Variants in SETD2 observed in about 807,000 individuals in gnomAD.
The protein encoded by SETD2 is histone-lysine N-methyltransferase SETD2.
In SETD2, 31 loss-of-function variants were observed where a neutral mutation model predicts 242.1. The ratio of observed to expected loss-of-function variants is 0.13; its 90% CI spans 0.10 to 0.17. The LOEUF (loss-of-function observed/expected upper bound fraction) is 0.17. Ranked by LOEUF, SETD2 falls within the 10% of genes least tolerant of loss-of-function variation. SETD2 has a pLI of 1.00. For missense variants in SETD2, 2,481 were observed against 3,046.3 expected (o/e 0.81, Z 4.37); for synonymous variants, 1,006 against 1,066.5 (o/e 0.94, Z 1.11).
At chr3:47,150,920 TAAA>T (rs71098458) in intron 1 of SETD2, among the ~76,000 whole-genome samples, 7 of 138,526 alleles carry the variant, frequency 5.1e-5, no homozygotes, top group Admixed American at 1.5e-4. Flanking sequence ...ACCCTATCTT[TAAA>T]AAAAAAAAAA....
intron 12 of SETD2, among the ~76,000 whole-genome samples, chr3:47,069,963 G>A (rs2040749042): frequency 6.6e-6 from 1 of 152,194 alleles, no homozygotes; most frequent in Non-Finnish European, 1.5e-5. Flanking sequence ...TAGGTACTCT[G>A]TAAACCTAGG....
At chr3:47,083,207 C>T (rs1308437733) in intron 12 of SETD2, among the ~76,000 whole-genome samples, 1 of 152,084 alleles carries the variant, frequency 6.6e-6, no homozygotes, top group Non-Finnish European at 1.5e-5. Flanking sequence ...AAGAAATAGG[C>T]ATTTAAAAGC....
intron 18 of SETD2, among the ~76,000 whole-genome samples, chr3:47,034,475 A>G (rs558865988): frequency 3.9e-5 from 6 of 152,282 alleles, no homozygotes; most frequent in African/African-American, 7.2e-5. Flanking sequence ...GCAGGCCTCT[A>G]AAGTCCTTGT....
chr3:47,143,306 A>C (rs1481907621), intron 1 of SETD2, among the ~76,000 whole-genome samples: 2 of 152,108 alleles, frequency 1.3e-5, no homozygotes, highest in Non-Finnish European at 2.9e-5. Flanking sequence ...AAAACAAAAC[A>C]AAAAAACTTT....
rs764370264 is a variant in SETD2 at position 47,113,857 on chromosome 3, T to C, written c.4715+19A>G. ...TTGTCTCAAAAAAGGAAGTGAAAGGTAATTAAAAAAGAACTTACGAAGGAA... is the reference window on the plus strand; with the variant it reads ...TTGTCTCAAAAAAGGAAGTGAAAGGCAATTAAAAAAGAACTTACGAAGGAA... On this transcript the variant is annotated intron_variant, in intron 5 of 20. Transcript: ENST00000409792. 1 of 1,602,574 alleles carries C rather than the reference T, an allele frequency of 6.2e-7. No homozygotes were observed. Among genetic ancestry groups the C allele is most frequent in the Non-Finnish European group, 8.5e-7 (1 of 1,176,148 alleles).
At chr3:47,098,205 G>A (rs1362785600) in intron 8 of SETD2, 124 bp from the exon 9 acceptor site, 7 of 901,188 alleles carry the variant, frequency 7.8e-6, no homozygotes, top group East Asian at 2.8e-5. Flanking sequence ...ATAACTTGAA[G>A]AGATTCCAAC....
chr3:47,160,818 T>A (rs187247449), intron 1 of SETD2, among the ~76,000 whole-genome samples: 3 of 152,314 alleles, frequency 2.0e-5, no homozygotes, highest in Admixed American at 2.0e-4. Context: ...CTGGATCTAC[T>A]TTGCCGTGTC....
At chr3:47,098,307 G>T in intron 8 of SETD2, 1 of 329,062 alleles carries the variant, frequency 3.0e-6, no homozygotes, top group Non-Finnish European at 5.6e-6. Flanking sequence ...GACAAAACTA[G>T]CCAAGAAATA....
At chr3:47,101,830 GA>G (rs1027900133) in intron 7 of SETD2, among the ~76,000 whole-genome samples, 5 of 151,240 alleles carry the variant, frequency 3.3e-5, no homozygotes, top group African/African-American at 1.2e-4. Flanking sequence ...CTAAAAAAAA[GA>G]AAAAAAAGTA....
intron 1 of SETD2, among the ~76,000 whole-genome samples, chr3:47,143,044 C>T (rs1465965927): frequency 6.6e-6 from 1 of 152,114 alleles, no homozygotes; most frequent in Admixed American, 6.5e-5. Flanking sequence ...GTAATCCCAG[C>T]ACTTTGGGAG....
At chr3:47,071,040 G>C (rs1304579179) in intron 12 of SETD2, among the ~76,000 whole-genome samples, 1 of 152,100 alleles carries the variant, frequency 6.6e-6, no homozygotes, top group Non-Finnish European at 1.5e-5. Context: ...TGTGATCATA[G>C]CTCACTGCAC....
intron 18 of SETD2, among the ~76,000 whole-genome samples, chr3:47,026,962 A>T (rs1272907491): frequency 1.3e-5 from 2 of 151,976 alleles, no homozygotes; most frequent in East Asian, 1.9e-4. Context: ...TATATATATA[A>T]AATAAATAAA....
chr3:47,054,858 T>C (rs2039987655), intron 15 of SETD2, among the ~76,000 whole-genome samples: 2 of 152,140 alleles, frequency 1.3e-5, no homozygotes, highest in African/African-American at 4.8e-5. Flanking sequence ...CATTAAAACA[T>C]TTATGTATGT....
At chr3:47,158,252 G>C (rs557709896) in intron 1 of SETD2, among the ~76,000 whole-genome samples, 1 of 152,132 alleles carries the variant, frequency 6.6e-6, no homozygotes, top group African/African-American at 2.4e-5. Flanking sequence ...TCTCAATCTA[G>C]TGGATTTTGA....
intron 13 of SETD2, among the ~76,000 whole-genome samples, chr3:47,065,131 TAATC>T (rs1469638597): frequency 1.3e-5 from 2 of 152,338 alleles, no homozygotes; most frequent in East Asian, 3.9e-4. Context: ...TAGCTTCTGA[TAATC>T]AACCCTATAG....
intron 4 of SETD2, among the ~76,000 whole-genome samples, chr3:47,114,613 T>A (rs1466844673): frequency 6.6e-6 from 1 of 152,210 alleles, no homozygotes; most frequent in Non-Finnish European, 1.5e-5. Context: ...GTACGGTGAT[T>A]CATGCCTGTA....
intron 18 of SETD2, among the ~76,000 whole-genome samples, chr3:47,020,956 C>T (rs1027481315): frequency 2.0e-5 from 3 of 152,124 alleles, no homozygotes; most frequent in Non-Finnish European, 4.4e-5. Flanking sequence ...AAAAGCTTTA[C>T]GTATTTTCTA....
rs548953692 is a variant in SETD2, at chr3:47,067,406, CTTTTTT to C, written c.6061-294_6061-289del. The stretch of plus-strand genomic sequence containing the variant: ...GGGCAAGGATACGCTTCCTGAGCAT[CTTTTTT>C]TTTTTTTTTTTTTTTTTTTTGAGAC... On this transcript the variant is annotated intron_variant, in intron 12 of 20. Transcript: ENST00000409792. 6.0e-5 allele frequency among the ~76,000 whole-genome samples: 5 copies of C among 83,906 alleles called. 1 individual carries two copies. The South Asian group carries it at 1.7e-3, about 28-fold the overall frequency. 55.0% of individuals were successfully genotyped at this position (83,906 alleles called of 152,430 possible).
intron 8 of SETD2, among the ~76,000 whole-genome samples, chr3:47,100,828 G>C (rs2042180705): frequency 6.6e-6 from 1 of 151,282 alleles, no homozygotes; most frequent in African/African-American, 2.4e-5. Context: ...GGCTAACACG[G>C]TGAAACCCTG....
Sources: gnomAD v4.1 joint callset for allele counts (sites outside exome capture counted in the v4.1 genomes callset) on GRCh38, gnomAD v4.1.1 for gene constraint, MANE v1.5 for transcripts, NCBI Gene and HGNC (gene_info 2026-07-23, HGNC 2026-07-21) for gene names.